The following LRP1B variants were observed in gnomAD, a reference collection of about 807,000 sequenced individuals.
LRP1B encodes low-density lipoprotein receptor-related protein 1B.
In LRP1B, 217 loss-of-function variants were observed where a neutral mutation model predicts 556.6. That is an observed-to-expected ratio of 0.39 (90% CI 0.35 to 0.44). The LOEUF is 0.44. Among genes scored for constraint, LRP1B ranks in the 20% least tolerant of loss-of-function variants. The pLI, the probability that LRP1B is intolerant of heterozygous loss-of-function variation, is 1.00. For missense variants in LRP1B, 5,053 were observed against 5,620.8 expected, an observed-to-expected ratio of 0.90 and a Z score of 3.23; for synonymous variants, 2,047 against 1,865.8, an observed-to-expected ratio of 1.10 and a Z score of -2.50.
chr2:140,978,700 A>G (rs1696676887), intron 18 of LRP1B, among the ~76,000 whole-genome samples: 1 of 152,340 alleles, frequency 6.6e-6, no homozygotes, highest in African/African-American at 2.4e-5. Context: ...TGTGCCTACT[A>G]GACTTTGTCA....
At chr2:140,592,257 TAG>T (rs1682257543) in intron 43 of LRP1B, among the ~76,000 whole-genome samples, 1 of 152,130 alleles carries the variant, frequency 6.6e-6, no homozygotes, top group Admixed American at 6.6e-5. Context: ...CTGGCTCTAA[TAG>T]AGAGTTAAGA....
rs1042124582 is a variant in LRP1B, at chr2:140,894,680, C to T, written c.3766+8240G>A. On this transcript the variant is annotated intron_variant, in intron 23 of 90. Transcript: ENST00000389484. ...AGAAAAATGATAGGCCGGGCACGGA[C>T]GCTTACACCTGTAATCCCAGCACTT... is the stretch of plus-strand genomic sequence containing the variant. Among the ~76,000 whole-genome samples the T allele has an allele frequency of 4.6e-5, 7 of 151,890 alleles. No homozygotes were observed. The South Asian group carries it at 6.2e-4, about 14-fold the overall frequency.
At chr2:140,374,453 G>C (rs893097623) in intron 68 of LRP1B, among the ~76,000 whole-genome samples, 2 of 152,078 alleles carry the variant, frequency 1.3e-5, no homozygotes, top group Non-Finnish European at 2.9e-5. Flanking sequence ...AGTAGAAATG[G>C]AACTACTTAA....
chr2:141,482,116 T>C (rs989529193), intron 2 of LRP1B, among the ~76,000 whole-genome samples: 4 of 152,058 alleles, frequency 2.6e-5, no homozygotes, highest in African/African-American at 4.8e-5. Flanking sequence ...AAGTTTGCAA[T>C]GTGATAAAAT....
At chr2:140,452,426 C>G (rs1382875261) in intron 62 of LRP1B, among the ~76,000 whole-genome samples, 1 of 152,098 alleles carries the variant, frequency 6.6e-6, no homozygotes, top group East Asian at 1.9e-4. Context: ...TAGTCAATTT[C>G]TCCTGGTATA....
intron 5 of LRP1B, among the ~76,000 whole-genome samples, chr2:141,237,293 G>C (rs1164155705): frequency 6.6e-6 from 1 of 151,492 alleles, no homozygotes; most frequent in Non-Finnish European, 1.5e-5. Context: ...TTTCAGTGTT[G>C]GCACATTAGT....
intron 1 of LRP1B, among the ~76,000 whole-genome samples, chr2:141,839,686 A>G (rs1236258193): frequency 2.0e-5 from 3 of 152,182 alleles, no homozygotes; most frequent in African/African-American, 7.2e-5. Context: ...ATGAAAGTAA[A>G]GAAAATCTAT....
At position 140,322,437 on chromosome 2, in the gene LRP1B, A is replaced by G. The variant is rs150719873; in HGVS notation, c.12515-349T>C. Among the ~76,000 whole-genome samples the G allele has an allele frequency of 5.2e-3, 789 of 152,160 alleles. 8 individuals are homozygous for G. Among genetic ancestry groups the G allele is most frequent in the African/African-American group, 0.017 (725 of 41,538 alleles). ...GGGACTGTGTTGGAAACTAAAGCCA[A>G]TGGAAGTTTTGGGGGGATCTGACCT... On this transcript the variant is annotated intron_variant, in intron 81 of 90. Transcript: ENST00000389484.
In LRP1B at chr2:141,934,435, T is replaced by A. The variant is rs1422631584; in HGVS notation, c.83-124034A>T. Among the ~76,000 whole-genome samples the A allele has an allele frequency of 5.9e-5, 9 of 152,176 alleles. 1 individual carries two copies. In the East Asian group the frequency reaches 1.7e-3, roughly 29 times the overall value. ...CCCAAGCAAATCTGAGGAGGATACATACAAAGAACTTTATCCTTAGGCATG... is the reference window on the plus strand; with the variant it reads ...CCCAAGCAAATCTGAGGAGGATACAAACAAAGAACTTTATCCTTAGGCATG... On this transcript the variant is annotated intron_variant, in intron 1 of 90. Transcript: ENST00000389484.
chr2:141,023,080 T>C (rs1399198529), intron 11 of LRP1B, among the ~76,000 whole-genome samples: 2 of 151,928 alleles, frequency 1.3e-5, no homozygotes, highest in African/African-American at 2.4e-5. Context: ...GTATTTTTCA[T>C]GCTAAGTGAA....
intron 37 of LRP1B, among the ~76,000 whole-genome samples, chr2:140,710,932 G>A (rs564491538): frequency 5.0e-4 from 76 of 152,120 alleles, no homozygotes; most frequent in African/African-American, 1.7e-3. Context: ...GGAAAGTAAT[G>A]ACATTAGTAA....
chr2:141,490,369 T>TTGTGAGTGTGTGTG (rs557540972), intron 2 of LRP1B, among the ~76,000 whole-genome samples: 3 of 108,566 alleles, frequency 2.8e-5, no homozygotes, highest in South Asian at 5.7e-4. Context: ...TAAAATAGCC[T>TTGTGAGTGTGTGTG]CGTGTGTGTG....
chr2:140,943,865 A>G (rs1695469541), intron 20 of LRP1B, among the ~76,000 whole-genome samples: 2 of 152,140 alleles, frequency 1.3e-5, no homozygotes, highest in South Asian at 4.1e-4. Flanking sequence ...AAGGAACTAG[A>G]AAATCAAGAA....
At chr2:141,042,495 A>T (rs1406018219) in intron 11 of LRP1B, among the ~76,000 whole-genome samples, 1 of 152,142 alleles carries the variant, frequency 6.6e-6, no homozygotes, top group East Asian at 1.9e-4. Context: ...TCCTGCCAGC[A>T]TCCATGAACG....
chr2:141,014,110 C>T lies in LRP1B; in HGVS notation c.2191-365G>A, dbSNP rs542208381. Among the ~76,000 whole-genome samples the T allele has an allele frequency of 6.6e-5, 10 of 152,072 alleles. No individual in the cohort carries two copies. The East Asian group carries it at 1.9e-3, about 29-fold the overall frequency. ...TGCTTATGATATTTCAGTATCATAT[C>T]CTGGGATAGAAATCAGTCTGAATAA... is the stretch of plus-strand genomic sequence containing the variant. On this transcript the variant is annotated intron_variant, in intron 13 of 90. Transcript: ENST00000389484.
rs563758796 is a variant in LRP1B, at chr2:140,858,583, TTTC to T, written c.4580-6803_4580-6801del. Among the ~76,000 whole-genome samples, 22 of 151,540 alleles carry T rather than the reference TTTC, an allele frequency of 1.5e-4. No homozygotes were observed. The South Asian group carries it at 4.2e-3, about 29-fold the overall frequency. On this transcript the variant is annotated intron_variant, in intron 27 of 90. Coordinates refer to ENST00000389484, the MANE Select transcript of LRP1B (RefSeq NM_018557.3). ...TATGACAAGTAGTTAGATCTTTCTT[TTTC>T]TTTTTAAGTTCCAGGGTACATGTGT...
rs1553533070 is a variant in LRP1B at position 141,544,310 on chromosome 2, C to CTTCTTCTTCTTCTTCTTCTTCTT, written c.206-63800_206-63778dup. ...GAAATTTACCACTCTTCTTCTTCTT[C>CTTCTTCTTCTTCTTCTTCTTCTT]TTCTTCTTCTTCTTCTTCTTCTTCT... On this transcript the variant is annotated intron_variant, in intron 2 of 90. Transcript: ENST00000389484. Among the ~76,000 whole-genome samples, 78 of 19,142 alleles carry CTTCTTCTTCTTCTTCTTCTTCTT rather than the reference C, an allele frequency of 4.1e-3. 2 individuals are homozygous for CTTCTTCTTCTTCTTCTTCTTCTT. The highest frequency in any genetic ancestry group is 0.016 in the South Asian group (4 of 258). The allele number at this position is 19,142 out of a possible 152,430, so 12.6% of individuals were successfully genotyped here.
intron 1 of LRP1B, among the ~76,000 whole-genome samples, chr2:141,814,548 A>G (rs1696467207): frequency 6.6e-6 from 1 of 152,208 alleles, no homozygotes; most frequent in Non-Finnish European, 1.5e-5. Flanking sequence ...TGTTGGTTGA[A>G]TGGAATTTCA....
intron 59 of LRP1B, among the ~76,000 whole-genome samples, chr2:140,476,776 T>C (rs952813111): frequency 6.6e-6 from 1 of 151,984 alleles, no homozygotes; most frequent in Non-Finnish European, 1.5e-5. Flanking sequence ...TGTAATGTTA[T>C]AAACAGAGAT....
Sources: allele counts gnomAD v4.1 joint callset (sites outside exome capture counted in the v4.1 genomes callset), GRCh38; gene constraint gnomAD v4.1.1; transcripts MANE v1.5; gene names NCBI Gene and HGNC (gene_info 2026-07-23, HGNC 2026-07-21).